ZFYVE16: variants seen among roughly 807,000 people sequenced by gnomAD.
ZFYVE16 encodes zinc finger FYVE domain-containing protein 16.
In ZFYVE16, 89 loss-of-function variants were observed where a neutral mutation model predicts 138.1. The observed-to-expected ratio is 0.64, with a 90% CI of 0.54 to 0.77. The LOEUF (loss-of-function observed/expected upper bound fraction) is 0.77, where lower values mean the gene tolerates loss of function less well. ZFYVE16 is among the 30% of genes least tolerant of loss of function. The probability of loss-of-function intolerance (pLI) is 0.00; values close to 1 mark genes in which losing one functional copy is unlikely to be tolerated. For missense variants in ZFYVE16, 1,793 were observed against 1,786.7 expected, an observed-to-expected ratio of 1.00 and a Z score of -0.06; for synonymous variants, 596 against 618.3, an observed-to-expected ratio of 0.96 and a Z score of 0.53.
rs567653889 is a variant in ZFYVE16 at position 80,425,080 on chromosome 5, G to C, written c.-93-2412G>C. On this transcript the variant is annotated intron_variant, in intron 1 of 18. Coordinates refer to ENST00000505560, the MANE Select transcript of ZFYVE16 (RefSeq NM_001284236.3). ...GTGTAATATGTTACCTGTATCTGTT[G>C]AGTTGGCTTTTTCATCAATTCTGGA... Among the ~76,000 whole-genome samples the C allele has an allele frequency of 1.2e-4, 18 of 152,226 alleles. No homozygotes were observed. The South Asian group carries it at 3.7e-3, about 32-fold the overall frequency.
intron 15 of ZFYVE16, among the ~76,000 whole-genome samples, chr5:80,470,842 T>C (rs544940552): frequency 6.6e-6 from 1 of 152,294 alleles, no homozygotes; most frequent in East Asian, 1.9e-4. Context: ...ATATTTGTCA[T>C]TGTTATATGT....
In ZFYVE16 at chr5:80,413,738, G is replaced by A. The variant is rs571446965; in HGVS notation, c.-94+5585G>A. 6.6e-5 allele frequency among the ~76,000 whole-genome samples: 10 copies of A among 152,268 alleles called. 1 individual carries two copies. In the South Asian group the frequency reaches 1.4e-3, roughly 22 times the overall value. ...GGCATTAAAGATTAATTCTCTCGCC[G>A]AACCTTAATTGAGAAAGGCTGCTCC... On this transcript the variant is annotated intron_variant, in intron 1 of 18. Coordinates refer to ENST00000505560, the MANE Select transcript of ZFYVE16 (RefSeq NM_001284236.3).
intron 6 of ZFYVE16, 104 bp from the exon 7 acceptor site, chr5:80,445,159 C>T (rs1035556964): frequency 7.7e-7 from 1 of 1,292,714 alleles, no homozygotes; most frequent in Non-Finnish European, 1.1e-6. Flanking sequence ...CAGGGGTTGC[C>T]AGTGGATAGC....
Position 80,456,978 on chromosome 5 carries a change from G to C in ZFYVE16, c.3829G>C (p.Val1277Leu). Reference protein sequence around the residue: ...MKVLNSSNEHVISIGASFSTE... With the variant: ...MKVLNSSNEHLISIGASFSTE... ...AGTACTAAATTCTTCCAATGAGCATGTCATTAGCATTGGAGCAAGTTTCAG... is the reference window on the plus strand; with the variant it reads ...AGTACTAAATTCTTCCAATGAGCATCTCATTAGCATTGGAGCAAGTTTCAG... Residue 1277 changes from valine (V) to leucine (L), a missense_variant, in exon 14 of 19, where the codon GTC becomes CTC. Transcript: ENST00000505560. 1 of 1,606,514 alleles carries C rather than the reference G, an allele frequency of 6.2e-7. No individual in the cohort carries two copies. The highest frequency in any genetic ancestry group is 8.5e-7 in the Non-Finnish European group (1 of 1,178,130).
intron 1 of ZFYVE16, among the ~76,000 whole-genome samples, chr5:80,412,528 G>A (rs1745601012): frequency 1.3e-5 from 2 of 151,984 alleles, no homozygotes; most frequent in African/African-American, 2.4e-5. Flanking sequence ...TCAGTATACC[G>A]TATTTACATT....
At chr5:80,469,403 G>A (rs781231178) in intron 15 of ZFYVE16, among the ~76,000 whole-genome samples, 1 of 150,642 alleles carries the variant, frequency 6.6e-6, no homozygotes, top group Non-Finnish European at 1.5e-5. Flanking sequence ...ACCATGCTTG[G>A]CTAATTAAAA....
rs1561354311 is a variant in ZFYVE16, at chr5:80,483,218, G to C, written c.*5841G>C. 6.6e-6 allele frequency: 1 copy of C among 152,214 alleles called. No individual in the cohort carries two copies. Among genetic ancestry groups the C allele is most frequent in the East Asian group, 1.9e-4 (1 of 5,202 alleles). 9.4% of individuals were successfully genotyped at this position (152,214 alleles called of 1,614,324 possible). The stretch of plus-strand genomic sequence containing the variant: ...GGAAAGCTAAAATAATTCATTGCTA[G>C]TAGTCCTCCTTTAACAGAAATGGTA... On this transcript the variant is annotated 3_prime_UTR_variant, in exon 19 of 19. Transcript: ENST00000505560.
At chr5:80,475,550 C>T (rs1002540455) in intron 18 of ZFYVE16, among the ~76,000 whole-genome samples, 22 of 152,152 alleles carry the variant, frequency 1.4e-4, no homozygotes, top group Admixed American at 3.9e-4. Context: ...TCATTTCTTA[C>T]GTATTCTTTG....
At chr5:80,462,854 G>A (rs1459492759) in intron 15 of ZFYVE16, among the ~76,000 whole-genome samples, 1 of 152,166 alleles carries the variant, frequency 6.6e-6, no homozygotes, top group Admixed American at 6.5e-5. Flanking sequence ...GGGGCTACAG[G>A]CCCCATGCAA....
intron 1 of ZFYVE16, 112 bp downstream of exon 1, chr5:80,408,265 T>A (rs1744897138): frequency 6.6e-6 from 1 of 152,290 alleles, no homozygotes; most frequent in Admixed American, 6.5e-5. Context: ...CTGGCCCTCT[T>A]CCTCTGGGGA....
intron 14 of ZFYVE16, among the ~76,000 whole-genome samples, chr5:80,458,211 A>G (rs1752735224): frequency 1.3e-5 from 2 of 152,090 alleles, no homozygotes; most frequent in South Asian, 4.1e-4. Context: ...CATTTTTGCC[A>G]CTAAAATTTA....
At chr5:80,446,319 G>A (rs935393902) in intron 7 of ZFYVE16, among the ~76,000 whole-genome samples, 2 of 151,902 alleles carry the variant, frequency 1.3e-5, no homozygotes, top group Admixed American at 6.6e-5. Context: ...TGTACCTATT[G>A]ATAATTACTA....
intron 15 of ZFYVE16, among the ~76,000 whole-genome samples, chr5:80,470,898 C>T (rs184891449): frequency 1.2e-3 from 177 of 151,518 alleles, no homozygotes; most frequent in African/African-American, 4.2e-3. Flanking sequence ...AGATGAAATG[C>T]TCCTGATTAT....
At chr5:80,447,837 A>G (rs917637008) in intron 7 of ZFYVE16, among the ~76,000 whole-genome samples, 189 bp from the exon 8 acceptor site, 3 of 152,188 alleles carry the variant, frequency 2.0e-5, no homozygotes, top group Admixed American at 6.5e-5. Flanking sequence ...TTAATTCCTT[A>G]TGCTCCTGAA....
chr5:80,428,783 C>G (rs542406670), intron 2 of ZFYVE16, among the ~76,000 whole-genome samples: 3 of 152,158 alleles, frequency 2.0e-5, no homozygotes, highest in Non-Finnish European at 4.4e-5. Context: ...AGCTGAGAAC[C>G]ATGGCATGAG....
intron 15 of ZFYVE16, among the ~76,000 whole-genome samples, chr5:80,462,614 C>T (rs946405577): frequency 3.3e-5 from 5 of 152,144 alleles, no homozygotes; most frequent in African/African-American, 1.2e-4. Context: ...AATCTCACGT[C>T]CTCACATTTC....
rs1561339897 is a variant in ZFYVE16, at chr5:80,473,844, T to C, written c.4278T>C (p.Ile1426=). The part of the protein sequence containing the change: ...LEADFETDEK[I]VKCTEVFYFL... The stretch of plus-strand genomic sequence containing the variant: ...CAGATTTTGAAACCGATGAGAAGAT[T>C]GTAAAATGTACCGAGGTAACTAAGA... The change falls in exon 17 of 19, where the codon ATT becomes ATC. Residue 1426 remains isoleucine (I), a synonymous_variant. Transcript: ENST00000505560. 6.2e-7 allele frequency: 1 copy of C among 1,612,702 alleles called. No homozygotes were observed. The highest frequency in any genetic ancestry group is 1.1e-5 in the South Asian group (1 of 90,882).
At chr5:80,430,992 C>T (rs1284829072) in intron 2 of ZFYVE16, among the ~76,000 whole-genome samples, 7 of 152,122 alleles carry the variant, frequency 4.6e-5, no homozygotes, top group African/African-American at 9.7e-5. Flanking sequence ...GATTCACAGC[C>T]GAATTCTACC....
chr5:80,449,600 T>C lies in ZFYVE16; in HGVS notation c.3113T>C (p.Val1038Ala). ...ASGEKGSVPV[V>A]EEHPSHEQII... The stretch of plus-strand genomic sequence containing the variant: ...TACTTTCATCATTTAGTGCCTGTAG[T>C]AGAAGAACATCCATCTCATGAGCAG... Residue 1038 changes from valine to alanine, a missense_variant, in exon 9 of 19, where the codon GTA (valine) becomes GCA (alanine). Around this residue, in one of 2 missense-constraint regions of ZFYVE16, gnomAD observed 1,295 missense variants for 1,204.3 expected, o/e 1.08. Transcript: ENST00000505560. 1.2e-6 allele frequency: 2 copies of C among 1,608,256 alleles called. No individual in the cohort carries two copies. The highest frequency in any genetic ancestry group is 1.7e-6 in the Non-Finnish European group (2 of 1,177,920).
Sources: allele counts gnomAD v4.1 joint callset (sites outside exome capture counted in the v4.1 genomes callset), GRCh38; gene constraint gnomAD v4.1.1; regional missense constraint gnomAD v4.1.1; transcripts MANE v1.5; gene names NCBI Gene and HGNC (gene_info 2026-07-23, HGNC 2026-07-21).